The following ZNF354C variants were observed in gnomAD, a reference collection of about 807,000 sequenced individuals.
The protein encoded by ZNF354C is zinc finger protein 354C, also known as KRAB-zinc finger protein synten.
Under a neutral mutation model 12.4 loss-of-function variants are expected in ZNF354C, and 7 were observed. The observed-to-expected ratio is 0.56, with a 90% CI of 0.32 to 1.06. The LOEUF (loss-of-function observed/expected upper bound fraction) is 1.06. ZNF354C is among the 50% of genes least tolerant of loss of function. The pLI, the probability that ZNF354C is intolerant of heterozygous loss-of-function variation, is 0.04. For missense variants in ZNF354C, 609 were observed against 658.0 expected (o/e 0.93, Z 0.81); for synonymous variants, 202 against 224.5 (o/e 0.90, Z 0.90).
At chr5:179,070,841 CTTTTTTTTTTTTTT>C (rs766817856) in intron 2 of ZNF354C, among the ~76,000 whole-genome samples, 1 of 75,438 alleles carries the variant, frequency 1.3e-5, no homozygotes, top group South Asian at 5.7e-4. Context: ...CTTGATCGCT[CTTTTTTTTTTTTTT>C]TTTTTTTTTT....
At chr5:179,077,004 A>T in intron 3 of ZNF354C, 67 bp from the exon 4 acceptor site, 1 of 1,359,768 alleles carries the variant, frequency 7.4e-7, no homozygotes, top group Non-Finnish European at 1.0e-6. Context: ...CAGAGTGAGT[A>T]GTAGGTCAGT....
chr5:179,076,614 C>A, intron 3 of ZNF354C, 43 bp downstream of exon 3: 1 of 1,604,574 alleles, frequency 6.2e-7, no homozygotes, highest in Non-Finnish European at 8.5e-7. Flanking sequence ...TATAGGAACG[C>A]CTCACAGGTC....
intron 2 of ZNF354C, among the ~76,000 whole-genome samples, chr5:179,073,482 G>C (rs1762075712): frequency 6.6e-6 from 1 of 151,972 alleles, no homozygotes; most frequent in Non-Finnish European, 1.5e-5. Flanking sequence ...TTACAATGTA[G>C]GCAGCTATAA....
chr5:179,078,762 A>T lies in ZNF354C; in HGVS notation c.330A>T (p.Val110=). Residue 110 remains valine (V), a synonymous_variant, in exon 5 of 5, where the codon GTA becomes GTT. Coordinates refer to ENST00000315475, the MANE Select transcript of ZNF354C (RefSeq NM_014594.3). The part of the protein sequence containing the change: ...IFIEETSQGM[V]KKESIKDGHW... The stretch of plus-strand genomic sequence containing the variant: ...TAGAAGAAACATCTCAGGGAATGGT[A>T]AAGAAAGAATCCATTAAGGATGGTC... 4 of 1,613,938 alleles carry T rather than the reference A, an allele frequency of 2.5e-6. No individual in the cohort carries two copies. The highest frequency in any genetic ancestry group is 3.4e-6 in the Non-Finnish European group (4 of 1,179,942).
chr5:179,076,645 T>TGTG, intron 3 of ZNF354C, 74 bp downstream of exon 3: 1 of 1,572,456 alleles, frequency 6.4e-7, no homozygotes, highest in African/African-American at 1.3e-5. Flanking sequence ...GTTCCGAGCC[T>TGTG]GTGGTCTTGT....
intron 2 of ZNF354C, among the ~76,000 whole-genome samples, chr5:179,065,819 A>T (rs1309175484): frequency 6.6e-6 from 1 of 152,168 alleles, no homozygotes; most frequent in Non-Finnish European, 1.5e-5. Flanking sequence ...ACAGAGATGA[A>T]GCGTCAGTCT....
chr5:179,064,506 T>G (rs1761935818), intron 2 of ZNF354C, among the ~76,000 whole-genome samples: 1 of 151,876 alleles, frequency 6.6e-6, no homozygotes, highest in Non-Finnish European at 1.5e-5. Flanking sequence ...AAGCTCCGCC[T>G]CCCGGGTTCA....
chr5:179,075,775 T>C (rs1285480960), intron 2 of ZNF354C, among the ~76,000 whole-genome samples: 2 of 152,250 alleles, frequency 1.3e-5, no homozygotes, highest in Admixed American at 6.5e-5. Flanking sequence ...CCTCATTCTA[T>C]TTAGCGGCTG....
At position 179,077,241 on chromosome 5, in the gene ZNF354C, A is replaced by G. The variant is rs1191127355; in HGVS notation, c.250+75A>G. Reference sequence around the variant, plus strand: ...AGGTCACAAAGAGGCAGTTCTTGGGAAACTCTTGGAAATACTGAGTCCTCT... The same window carrying G: ...AGGTCACAAAGAGGCAGTTCTTGGGGAACTCTTGGAAATACTGAGTCCTCT... On this transcript the variant is annotated intron_variant, in intron 4 of 4. Coordinates refer to ENST00000315475, the MANE Select transcript of ZNF354C (RefSeq NM_014594.3). 6 of 1,190,246 alleles carry G rather than the reference A, an allele frequency of 5.0e-6. No homozygotes were observed. The African/African-American group carries it at 9.0e-5, about 18-fold the overall frequency. The allele number at this position is 1,190,246 out of a possible 1,614,324, so 73.7% of individuals were successfully genotyped here.
Position 179,062,027 on chromosome 5 carries a change from C to T in ZNF354C, c.-42C>T, listed in dbSNP as rs1761900738. On this transcript the variant is annotated 5_prime_UTR_variant, in exon 2 of 5. Transcript: ENST00000315475. ...TTTTCCTCTGCAGACCCACCGTGTCCACACTCTGCTCTCCCTGGGCAGGAA... is the reference window on the plus strand; with the variant it reads ...TTTTCCTCTGCAGACCCACCGTGTCTACACTCTGCTCTCCCTGGGCAGGAA... 6.2e-7 allele frequency: 1 copy of T among 1,612,126 alleles called. No individual in the cohort carries two copies. The highest frequency in any genetic ancestry group is 8.5e-7 in the Non-Finnish European group (1 of 1,179,016).
At chr5:179,064,535 G>C (rs1761936113) in intron 2 of ZNF354C, among the ~76,000 whole-genome samples, 1 of 151,886 alleles carries the variant, frequency 6.6e-6, no homozygotes, top group African/African-American at 2.4e-5. Context: ...TCCTGCCTCA[G>C]CCTCCCGAGT....
intron 2 of ZNF354C, among the ~76,000 whole-genome samples, chr5:179,068,918 C>T (rs1452022833): frequency 6.6e-6 from 1 of 152,234 alleles, no homozygotes; most frequent in Admixed American, 6.5e-5. Flanking sequence ...GCCACATGGC[C>T]TCTCCTGCGC....
Position 179,062,043 on chromosome 5 carries a change from T to C in ZNF354C, c.-26T>C. The C allele has an allele frequency of 3.7e-6, 6 of 1,614,090 alleles. No homozygotes were observed. The highest frequency in any genetic ancestry group is 5.1e-6 in the Non-Finnish European group (6 of 1,179,974). ...CACCGTGTCCACACTCTGCTCTCCCTGGGCAGGAAGACTGAGGAGGAAGGG... is the reference window on the plus strand; with the variant it reads ...CACCGTGTCCACACTCTGCTCTCCCCGGGCAGGAAGACTGAGGAGGAAGGG... On this transcript the variant is annotated 5_prime_UTR_variant, in exon 2 of 5. Coordinates refer to ENST00000315475, the MANE Select transcript of ZNF354C (RefSeq NM_014594.3).
rs749080625 is a variant in ZNF354C at position 179,078,911 on chromosome 5, A to G, written c.479A>G (p.His160Arg). 15 of 1,614,036 alleles carry G rather than the reference A, an allele frequency of 9.3e-6. No homozygotes were observed. The East Asian group carries it at 3.1e-4, about 34-fold the overall frequency. ...HEKTISEDGN[H>R]TSLELGKSLF... is the part of the protein sequence containing the mutation. Reference sequence around the variant, plus strand: ...AAAACCATCAGTGAAGATGGAAACCATACAAGTCTTGAATTGGGGAAAAGC... The same window carrying G: ...AAAACCATCAGTGAAGATGGAAACCGTACAAGTCTTGAATTGGGGAAAAGC... Residue 160 changes from histidine to arginine, a missense_variant, in exon 5 of 5, where the codon CAT becomes CGT. His to Arg is a conservative substitution (Grantham distance 29, BLOSUM62 0). Transcript: ENST00000315475.
In ZNF354C at chr5:179,083,270, GAT is replaced by G. The variant is rs67790556; in HGVS notation, c.*3175_*3176del. ...AAATAGGAAGATGGAATGGGTAGTA[GAT>G]AATGTGGTATATTTGATTTTTCTAG... On this transcript the variant is annotated 3_prime_UTR_variant, in exon 5 of 5. Transcript: ENST00000315475. 59,554 of 219,392 alleles carry G rather than the reference GAT, an allele frequency of 0.27. 8,290 individuals carry two copies. The highest frequency in any genetic ancestry group is 0.36 in the East Asian group (3,365 of 9,432). 13.6% of individuals were successfully genotyped at this position (219,392 alleles called of 1,614,324 possible). A position where few individuals can be genotyped will look rare whatever the true frequency, so the allele number is the denominator to read the frequency against.
intron 2 of ZNF354C, among the ~76,000 whole-genome samples, chr5:179,074,291 C>CG (rs71589475): frequency 4.3e-5 from 6 of 139,418 alleles, no homozygotes; most frequent in South Asian, 2.3e-4. Flanking sequence ...AATTTTTGTA[C>CG]TTTTTTTTTT....
chr5:179,075,694 T>A (rs1353084369), intron 2 of ZNF354C, among the ~76,000 whole-genome samples: 1 of 152,144 alleles, frequency 6.6e-6, no homozygotes, highest in African/African-American at 2.4e-5. Flanking sequence ...AAATATAGAT[T>A]CTTTTGTGGC....
intron 2 of ZNF354C, among the ~76,000 whole-genome samples, chr5:179,072,294 A>G (rs1172000327): frequency 1.2e-5 from 1 of 83,884 alleles, no homozygotes; most frequent in African/African-American, 3.1e-5. Context: ...CTGAAATTGT[A>G]AAAAAAAAAA....
chr5:179,079,790 C>G lies in ZNF354C; in HGVS notation c.1358C>G (p.Ser453Cys). ...EECGKAFGCK[S>C]NLYRHQRIHT... is the part of the protein sequence containing the mutation. ...TGTGGGAAAGCCTTTGGTTGCAAAT[C>G]TAACCTTTATAGGCATCAGAGAATT... is the stretch of plus-strand genomic sequence containing the variant. The change falls in exon 5 of 5, where the codon TCT becomes TGT. Residue 453 changes from serine to cysteine, a missense_variant. Transcript: ENST00000315475. This position sits in a 1 kb window ranked among gnomAD's most constrained non-coding sequence, Gnocchi z 4.2. 1 of 1,614,120 alleles carries G rather than the reference C, an allele frequency of 6.2e-7. No individual in the cohort carries two copies. Among genetic ancestry groups the G allele is most frequent in the Non-Finnish European group, 8.5e-7 (1 of 1,180,014 alleles).
Sources: gnomAD v4.1 joint callset for allele counts (sites outside exome capture counted in the v4.1 genomes callset) on GRCh38, gnomAD v4.1.1 for gene constraint, Gnocchi (gnomAD v3.1) non-coding constraint, MANE v1.5 for transcripts, NCBI Gene and HGNC (gene_info 2026-07-23, HGNC 2026-07-21) for gene names.